The following DAB1 variants were observed in gnomAD, a reference collection of about 807,000 sequenced individuals.
DAB1 encodes disabled homolog 1.
Under a neutral mutation model 64.6 loss-of-function variants are expected in DAB1, and 15 were observed. That is an observed-to-expected ratio of 0.23 (90% CI 0.16 to 0.36). The LOEUF is 0.36. Among genes scored for constraint, DAB1 ranks in the 10% least tolerant of loss-of-function variants. The pLI is 1.00. For missense variants in DAB1, 596 were observed against 706.7 expected, an observed-to-expected ratio of 0.84 and a Z score of 1.78; for synonymous variants, 235 against 251.9, an observed-to-expected ratio of 0.93 and a Z score of 0.64.
At chr1:57,375,366 T>C (rs74400331) in intron 1 of DAB1, among the ~76,000 whole-genome samples, 1,610 of 152,272 alleles carry the variant, frequency 0.011, 35 homozygotes, top group African/African-American at 0.037. Flanking sequence ...CTTGCTCAGG[T>C]AATAGAGCTA....
rs1660449495 is a variant in DAB1 at position 58,244,591 on chromosome 1, A to C, written n.310-94003T>G. Among the ~76,000 whole-genome samples the C allele has an allele frequency of 3.9e-5, 6 of 152,210 alleles. No individual in the cohort carries two copies. The South Asian group carries it at 1.2e-3, about 32-fold the overall frequency. On this transcript the variant is annotated intron_variant and non_coding_transcript_variant, in intron 4 of 20. Coordinates refer to the DAB1 transcript ENST00000485760. ...CAATTTAGAAGAAGCACAAGTACTC[A>C]AAACAAGAACAGTCTCCACAGTAAG... is the stretch of plus-strand genomic sequence containing the variant.
chr1:58,089,969 A>C (rs952054800), intron 5 of DAB1, among the ~76,000 whole-genome samples: 1 of 152,240 alleles, frequency 6.6e-6, no homozygotes. Context: ...CCTAGACTCA[A>C]CATCGCAGCT....
intron 5 of DAB1, among the ~76,000 whole-genome samples, chr1:57,960,175 G>A (rs1023650176): frequency 2.0e-5 from 3 of 152,162 alleles, no homozygotes; most frequent in Non-Finnish European, 4.4e-5. Context: ...GTGGCAATTA[G>A]GGCTCAGACT....
chr1:57,673,195 G>A (rs1646528049), intron 6 of DAB1, among the ~76,000 whole-genome samples: 1 of 152,106 alleles, frequency 6.6e-6, no homozygotes, highest in African/African-American at 2.4e-5. Flanking sequence ...ATGACAGAAG[G>A]GGCATGGGAC....
At chr1:57,184,627 C>T (rs1308516947) in intron 2 of DAB1, among the ~76,000 whole-genome samples, 1 of 152,182 alleles carries the variant, frequency 6.6e-6, no homozygotes, top group Non-Finnish European at 1.5e-5. Context: ...TTTCTCCCCA[C>T]CTATTCTGAA....
intron 4 of DAB1, among the ~76,000 whole-genome samples, chr1:57,107,507 T>A (rs1036102580): frequency 1.3e-5 from 2 of 151,850 alleles, no homozygotes; most frequent in African/African-American, 4.8e-5. Context: ...AGCTCTAGAA[T>A]TAAAGAGGAG....
At chr1:58,439,907 T>G (rs74076245) in intron 3 of DAB1, among the ~76,000 whole-genome samples, 1 of 147,608 alleles carries the variant, frequency 6.8e-6, no homozygotes, top group African/African-American at 2.4e-5. Flanking sequence ...TTCTCATATT[T>G]TGTAACAGTC....
chr1:57,256,920 C>T (rs1004294478), intron 2 of DAB1, among the ~76,000 whole-genome samples: 4 of 152,136 alleles, frequency 2.6e-5, no homozygotes, highest in African/African-American at 9.7e-5. Flanking sequence ...TGGACCAGAC[C>T]CATCCCAGTG....
At chr1:58,506,065 G>T (rs1645984430) in exon 3 of DAB1, 1 of 869,504 alleles carries the variant, frequency 1.2e-6, no homozygotes, top group African/African-American at 1.6e-5. Context: ...CTCACCTGAG[G>T]TATAAGTCTA....
At chr1:57,497,167 C>G (rs1371164602) in intron 7 of DAB1, among the ~76,000 whole-genome samples, 1 of 152,360 alleles carries the variant, frequency 6.6e-6, no homozygotes, top group Non-Finnish European at 1.5e-5. Flanking sequence ...AGACCCTAAA[C>G]AAAAGTGCTT....
At chr1:57,612,399 G>A (rs1013452279) in intron 7 of DAB1, among the ~76,000 whole-genome samples, 16 of 152,068 alleles carry the variant, frequency 1.1e-4, no homozygotes, top group Non-Finnish European at 2.4e-4. Context: ...GGGATGGGGA[G>A]ACTATTCTGA....
At chr1:58,406,414 T>C (rs1226286652) in intron 3 of DAB1, among the ~76,000 whole-genome samples, 1 of 152,250 alleles carries the variant, frequency 6.6e-6, no homozygotes, top group Non-Finnish European at 1.5e-5. Flanking sequence ...AGAAATCCTG[T>C]TGAAGTCCCT....
At chr1:57,334,541 A>G (rs563219419) in intron 1 of DAB1, among the ~76,000 whole-genome samples, 1 of 152,364 alleles carries the variant, frequency 6.6e-6, no homozygotes, top group South Asian at 2.1e-4. Flanking sequence ...ACCTTACGAC[A>G]TGTTAGGGTT....
chr1:57,099,779 G>T (rs185810588), intron 4 of DAB1, among the ~76,000 whole-genome samples: 1 of 152,278 alleles, frequency 6.6e-6, no homozygotes, highest in East Asian at 1.9e-4. Flanking sequence ...AGGTTCCAAA[G>T]GTGCCATGGA....
chr1:57,332,514 C>T (rs929311964), intron 1 of DAB1, among the ~76,000 whole-genome samples: 1 of 152,148 alleles, frequency 6.6e-6, no homozygotes. Context: ...ACTCTTATTA[C>T]TATTATTACT....
intron 7 of DAB1, among the ~76,000 whole-genome samples, chr1:57,448,293 TC>T (rs1686224583): frequency 6.6e-6 from 1 of 152,222 alleles, no homozygotes; most frequent in African/African-American, 2.4e-5. Flanking sequence ...GTCATATTTT[TC>T]CACACCCATT....
At chr1:58,155,588 A>G (rs1655179342) in intron 4 of DAB1, among the ~76,000 whole-genome samples, 2 of 152,240 alleles carry the variant, frequency 1.3e-5, no homozygotes, top group South Asian at 4.1e-4. Context: ...AAACAGAAAT[A>G]AAAATTTCAT....
chr1:57,321,522 T>C (rs2100765902), intron 1 of DAB1, among the ~76,000 whole-genome samples: 1 of 152,300 alleles, frequency 6.6e-6, no homozygotes, highest in South Asian at 2.1e-4. Context: ...TATCAGACTT[T>C]TTATACATGG....
chr1:57,833,409 C>T (rs1194173769), intron 1 of DAB1, among the ~76,000 whole-genome samples: 1 of 151,994 alleles, frequency 6.6e-6, no homozygotes, highest in Non-Finnish European at 1.5e-5. Context: ...AGGAATCTTC[C>T]CTATAAAAAA....
Sources: allele counts gnomAD v4.1 joint callset (sites outside exome capture counted in the v4.1 genomes callset), GRCh38; gene constraint gnomAD v4.1.1; transcripts MANE v1.5; gene names NCBI Gene and HGNC (gene_info 2026-07-23, HGNC 2026-07-21).